The following DIAPH2 variants were observed in gnomAD, a reference collection of about 807,000 sequenced individuals.
DIAPH2 encodes the protein diaphanous related formin 2, also known as protein diaphanous homolog 2.
A neutral mutation model predicts 92.7 loss-of-function variants in DIAPH2; 35 were observed. The ratio of observed to expected loss-of-function variants is 0.38; its 90% CI spans 0.29 to 0.50. DIAPH2 has a LOEUF of 0.50. DIAPH2 is among the 20% of genes least tolerant of loss of function. DIAPH2 has a pLI of 0.94. For missense variants in DIAPH2, 701 were observed against 819.5 expected, an observed-to-expected ratio of 0.86 and a Z score of 1.77; for synonymous variants, 301 against 280.4, an observed-to-expected ratio of 1.07 and a Z score of -0.73.
chrX:96,784,590 GA>G (rs1446945807), intron 4 of DIAPH2, among the ~76,000 whole-genome samples: 2 of 111,113 alleles, frequency 1.8e-5, no homozygotes, highest in Non-Finnish European at 3.8e-5. Flanking sequence ...TGTGCAGTTT[GA>G]AAAAAAATGA....
Position 96,751,649 on chromosome X carries a change from TTTG to T in DIAPH2, c.343-6502_343-6500del, listed in dbSNP as rs1244706095. On this transcript the variant is annotated intron_variant, in intron 3 of 26. Coordinates refer to ENST00000324765, the MANE Select transcript of DIAPH2 (RefSeq NM_006729.5). Reference sequence around the variant, plus strand: ...TAAATGGTCAACTAGACTTCAGTGTTTTGTTTTTTTTTTTTTTTTTTTGAGACG... The same window carrying T: ...TAAATGGTCAACTAGACTTCAGTGTTTTTTTTTTTTTTTTTTTTTGAGACG... Among the ~76,000 whole-genome samples, 40 of 89,820 alleles carry T rather than the reference TTTG, an allele frequency of 4.5e-4. 1 individual carries two copies. The East Asian group carries it at 4.8e-3, about 11-fold the overall frequency. The allele number at this position is 89,820 out of a possible 115,157, so 78.0% of individuals were successfully genotyped here. A position where few individuals can be genotyped will look rare whatever the true frequency, so the allele number is the denominator to read the frequency against.
At chrX:97,434,103 A>G (rs1327454845) in intron 26 of DIAPH2, among the ~76,000 whole-genome samples, 1 of 111,232 alleles carries the variant, frequency 9.0e-6, no homozygotes, top group Non-Finnish European at 1.9e-5. Flanking sequence ...AATAGGATAT[A>G]TATAGCATAG....
At chrX:96,999,599 T>G (rs1302204966) in intron 17 of DIAPH2, among the ~76,000 whole-genome samples, 1 of 110,938 alleles carries the variant, frequency 9.0e-6, no homozygotes, top group Non-Finnish European at 1.9e-5. Flanking sequence ...TGTCTATGTA[T>G]TTTTCTTTCA....
chrX:97,334,278 C>T (rs1005705997), intron 23 of DIAPH2, among the ~76,000 whole-genome samples: 6 of 107,787 alleles, frequency 5.6e-5, no homozygotes, highest in Admixed American at 1.0e-4. Flanking sequence ...CTGGCTAATC[C>T]GGTGAAACCT....
intron 4 of DIAPH2, among the ~76,000 whole-genome samples, chrX:96,866,355 GT>G (rs1182576570): frequency 9.0e-5 from 10 of 111,705 alleles, no homozygotes; most frequent in African/African-American, 3.3e-4. Context: ...GAATATTCAG[GT>G]TTTTTGTTTT....
chrX:97,275,129 A>G (rs1241456249), intron 23 of DIAPH2, among the ~76,000 whole-genome samples: 1 of 112,249 alleles, frequency 8.9e-6, no homozygotes, highest in Non-Finnish European at 1.9e-5. Flanking sequence ...CATCGTCATC[A>G]TGGCCCGTTC....
intron 22 of DIAPH2, among the ~76,000 whole-genome samples, chrX:97,144,662 C>T (rs193191845): frequency 2.4e-3 from 266 of 110,582 alleles, no homozygotes; most frequent in African/African-American, 8.2e-3. Context: ...TGTAGTGAGA[C>T]ATTCAATAAT....
chrX:97,477,941 G>A (rs2070623789), intron 26 of DIAPH2, among the ~76,000 whole-genome samples: 1 of 111,131 alleles, frequency 9.0e-6, no homozygotes, highest in African/African-American at 3.3e-5. Context: ...TCCAATTACA[G>A]GTCTTCATGA....
chrX:97,196,811 AG>A (rs1389311342), intron 22 of DIAPH2, among the ~76,000 whole-genome samples: 1 of 84,336 alleles, frequency 1.2e-5, no homozygotes, highest in Non-Finnish European at 2.3e-5. Flanking sequence ...TTTGAGATGG[AG>A]TTTTGCTTTT....
chrX:96,757,852 A>G (rs1469597843), intron 3 of DIAPH2, among the ~76,000 whole-genome samples: 1 of 112,024 alleles, frequency 8.9e-6, no homozygotes, highest in Non-Finnish European at 1.9e-5. Flanking sequence ...CATAGATACC[A>G]TGTATATCTA....
At chrX:96,792,133 G>T (rs911555241) in intron 4 of DIAPH2, among the ~76,000 whole-genome samples, 1 of 111,890 alleles carries the variant, frequency 8.9e-6, no homozygotes, top group Non-Finnish European at 1.9e-5. Context: ...TATAATAAAT[G>T]AAATATAGAC....
chrX:97,555,872 C>A (rs1360706599), intron 26 of DIAPH2, among the ~76,000 whole-genome samples: 1 of 111,643 alleles, frequency 9.0e-6, no homozygotes, highest in Non-Finnish European at 1.9e-5. Flanking sequence ...TACAAACTTA[C>A]CCTAAAATAG....
intron 23 of DIAPH2, among the ~76,000 whole-genome samples, chrX:97,340,569 G>A (rs771930831): frequency 3.6e-5 from 4 of 110,789 alleles, no homozygotes; most frequent in Non-Finnish European, 5.7e-5. Context: ...GTATCTCTAC[G>A]ACATGAAAAT....
At chrX:97,575,676 G>C (rs2071395913) in intron 26 of DIAPH2, among the ~76,000 whole-genome samples, 1 of 111,770 alleles carries the variant, frequency 8.9e-6, no homozygotes, top group Non-Finnish European at 1.9e-5. Flanking sequence ...GGTAGCTTTG[G>C]AACAATCAGG....
At chrX:96,968,167 A>AT (rs1292147003) in intron 17 of DIAPH2, among the ~76,000 whole-genome samples, 1 of 108,042 alleles carries the variant, frequency 9.3e-6, no homozygotes, top group East Asian at 2.9e-4. Flanking sequence ...TGTTATGAGC[A>AT]TTTTTTCATG....
intron 4 of DIAPH2, among the ~76,000 whole-genome samples, chrX:96,864,903 G>A (rs1167837927): frequency 8.9e-6 from 1 of 111,821 alleles, no homozygotes; most frequent in African/African-American, 3.2e-5. Context: ...CTGTAAAACG[G>A]GGATAATATG....
At chrX:97,152,082 G>A (rs2147424767) in intron 22 of DIAPH2, among the ~76,000 whole-genome samples, 1 of 111,814 alleles carries the variant, frequency 8.9e-6, no homozygotes, top group East Asian at 2.8e-4. Flanking sequence ...TACCATTATT[G>A]TAGTTTTCAT....
At chrX:97,467,153 C>T (rs981877523) in intron 26 of DIAPH2, among the ~76,000 whole-genome samples, 1 of 111,609 alleles carries the variant, frequency 9.0e-6, no homozygotes, top group African/African-American at 3.3e-5. Context: ...TTTAGAGCAA[C>T]AAATGTTTTA....
At chrX:97,104,371 AT>A (rs376970129) in intron 20 of DIAPH2, among the ~76,000 whole-genome samples, 9,830 of 103,243 alleles carry the variant, frequency 0.095, 638 homozygotes, top group African/African-American at 0.22. Flanking sequence ...GTATTTCCTG[AT>A]TTTTTTTTTT....
Sources: allele counts gnomAD v4.1 joint callset (sites outside exome capture counted in the v4.1 genomes callset), GRCh38; gene constraint gnomAD v4.1.1; transcripts MANE v1.5; gene names NCBI Gene and HGNC (gene_info 2026-07-23, HGNC 2026-07-21).